The following MATN2 variants were observed in gnomAD, a reference collection of about 807,000 sequenced individuals.
MATN2 encodes the protein matrilin 2.
In MATN2, 69 loss-of-function variants were observed where a neutral mutation model predicts 103.2. The ratio of observed to expected loss-of-function variants is 0.67; its 90% CI spans 0.55 to 0.82. MATN2 has a LOEUF of 0.82. Ranked by LOEUF, MATN2 falls within the 40% of genes least tolerant of loss-of-function variation. The pLI is 0.00. For synonymous variants in MATN2, 429 were observed against 450.2 expected (o/e 0.95, Z 0.60); for missense variants, 1,023 against 1,211.5 (o/e 0.84, Z 2.31).
chr8:97,885,370 C>T (rs1416446748), intron 1 of MATN2, among the ~76,000 whole-genome samples: 4 of 152,156 alleles, frequency 2.6e-5, no homozygotes, highest in African/African-American at 9.7e-5. Context: ...GTCCCAGCTA[C>T]TCGGGAGGCT....
At chr8:97,901,356 G>A (rs1422958491) in intron 2 of MATN2, among the ~76,000 whole-genome samples, 3 of 151,878 alleles carry the variant, frequency 2.0e-5, no homozygotes, top group East Asian at 1.9e-4. Flanking sequence ...GGGTTCCAGC[G>A]ATTCTGCTGC....
Position 98,036,559 on chromosome 8 carries a change from A to T in MATN2, c.*847A>T, listed in dbSNP as rs1563741937. ...AGCCCATACATACAAAGAGACCTGC[A>T]TAAGAATGTTACTAGGCTTTGTAAA... On this transcript the variant is annotated 3_prime_UTR_variant, in exon 19 of 19. Coordinates refer to ENST00000254898, the MANE Select transcript of MATN2 (RefSeq NM_002380.5). 6.6e-6 allele frequency: 1 copy of T among 152,244 alleles called. No individual in the cohort carries two copies. The highest frequency in any genetic ancestry group is 1.5e-5 in the Non-Finnish European group (1 of 68,052). 9.4% of individuals were successfully genotyped at this position (152,244 alleles called of 1,614,324 possible).
intron 13 of MATN2, among the ~76,000 whole-genome samples, chr8:98,022,858 C>T (rs1488860539): frequency 1.1e-4 from 16 of 152,194 alleles, no homozygotes; most frequent in Admixed American, 2.6e-4. Context: ...GAGGCCAAGA[C>T]GGGCAGATCA....
intron 10 of MATN2, among the ~76,000 whole-genome samples, chr8:98,013,039 C>A (rs1224626009): frequency 6.6e-6 from 1 of 152,300 alleles, no homozygotes; most frequent in East Asian, 1.9e-4. Flanking sequence ...GCTGAAGACA[C>A]CCAGTGGTAC....
intron 7 of MATN2, 102 bp from the exon 8 acceptor site, chr8:98,003,559 C>A: frequency 7.2e-7 from 1 of 1,393,748 alleles, no homozygotes; most frequent in South Asian, 1.2e-5. Context: ...AGGCAGCACC[C>A]ACCAGCCCTC....
intron 6 of MATN2, among the ~76,000 whole-genome samples, chr8:97,987,012 T>TG (rs1276266643): frequency 2.2e-4 from 34 of 151,868 alleles, no homozygotes; most frequent in African/African-American, 8.2e-4. Flanking sequence ...TTTTTTTTTT[T>TG]TTGTATTTTT....
At chr8:97,873,282 C>T (rs1037120998) in intron 1 of MATN2, among the ~76,000 whole-genome samples, 1 of 151,740 alleles carries the variant, frequency 6.6e-6, no homozygotes, top group African/African-American at 2.4e-5. Context: ...AGAGTTTTAG[C>T]TCACTTCTGT....
chr8:97,931,436 G>A lies in MATN2; in HGVS notation c.626G>A (p.Ser209Asn), dbSNP rs1810190350. ...TTCAACACCTTGAAGTCCATTGGGA[G>A]TGAGCCCCATGAGGACCATGTCTTC... Reference protein sequence around the residue: ...VDFNTLKSIGSEPHEDHVFLV... With the variant: ...VDFNTLKSIGNEPHEDHVFLV... Residue 209 changes from serine (S) to asparagine (N), a missense_variant, in exon 3 of 19, where the codon AGT (serine) becomes AAT (asparagine). Ser to Asn is a conservative substitution (Grantham distance 46). Coordinates refer to ENST00000254898, the MANE Select transcript of MATN2 (RefSeq NM_002380.5). The surrounding 1 kb of genome is among the most constrained non-coding windows in gnomAD (Gnocchi z 4.1). The A allele has an allele frequency of 3.7e-6, 6 of 1,613,786 alleles. No homozygotes were observed. Among genetic ancestry groups the A allele is most frequent in the Non-Finnish European group, 5.1e-6 (6 of 1,179,884 alleles).
Position 98,033,587 on chromosome 8 carries a change from C to G in MATN2, c.2743C>G (p.Gln915Glu), listed in dbSNP as rs1814119358. 1 of 1,598,656 alleles carries G rather than the reference C, an allele frequency of 6.3e-7. No individual in the cohort carries two copies. Among genetic ancestry groups the G allele is most frequent in the Non-Finnish European group, 8.5e-7 (1 of 1,173,818 alleles). The change falls in exon 18 of 19, where the codon CAA becomes GAA. Residue 915 changes from glutamine (Q) to glutamate (E), a missense_variant. Coordinates refer to ENST00000254898, the MANE Select transcript of MATN2 (RefSeq NM_002380.5). ...AAGCCCTTTGGAAGAAAAACACGAT[C>G]AATGCAAATGTGAAAACCTTATAAT... ...SGSPLEEKHD[Q>E]CKCENLIMFQ... is the part of the protein sequence containing the mutation.
chr8:98,033,959 C>G (rs1044354553), intron 18 of MATN2, among the ~76,000 whole-genome samples: 2 of 152,020 alleles, frequency 1.3e-5, no homozygotes, highest in African/African-American at 4.8e-5. Flanking sequence ...GGCCTAACTC[C>G]GTCTCTGCTA....
At chr8:97,960,022 TCA>T (rs1362415719) in intron 4 of MATN2, among the ~76,000 whole-genome samples, 2 of 151,890 alleles carry the variant, frequency 1.3e-5, no homozygotes, top group East Asian at 3.9e-4. Context: ...TGATCTCGGC[TCA>T]CTGCAACCTC....
chr8:97,884,893 A>G (rs1818375167), intron 1 of MATN2, among the ~76,000 whole-genome samples: 1 of 152,244 alleles, frequency 6.6e-6, no homozygotes, highest in Non-Finnish European at 1.5e-5. Flanking sequence ...TTGATTCTAT[A>G]TAACAATTAG....
intron 6 of MATN2, among the ~76,000 whole-genome samples, chr8:97,991,144 A>G (rs1812376255): frequency 6.6e-6 from 1 of 152,218 alleles, no homozygotes; most frequent in African/African-American, 2.4e-5. Context: ...TGGTTGATGG[A>G]AATTCTCTGT....
At chr8:97,927,326 A>ATTTT (rs569076720) in intron 2 of MATN2, among the ~76,000 whole-genome samples, 2 of 60,460 alleles carry the variant, frequency 3.3e-5, no homozygotes, top group African/African-American at 1.2e-4. Context: ...TATTATTATT[A>ATTTT]TTTTTTTTTT....
At chr8:97,978,764 T>C (rs910620801) in intron 5 of MATN2, 122 bp from the exon 6 acceptor site, 10 of 959,622 alleles carry the variant, frequency 1.0e-5, no homozygotes, top group Non-Finnish European at 1.6e-5. Context: ...CTGTTTATCC[T>C]ACTCTTTTGG....
In MATN2 at chr8:98,016,639, G is replaced by A. The variant is rs374039867; in HGVS notation, c.1673G>A (p.Arg558His). 228 of 1,611,858 alleles carry A rather than the reference G, an allele frequency of 1.4e-4. No homozygotes were observed. The highest frequency in any genetic ancestry group is 1.8e-4 in the Non-Finnish European group (214 of 1,178,804). The change falls in exon 11 of 19, where the codon CGT becomes CAT. Residue 558 changes from arginine (R) to histidine (H), a missense_variant. By Grantham distance (29) the Arg-to-His change is conservative. Coordinates refer to ENST00000254898, the MANE Select transcript of MATN2 (RefSeq NM_002380.5). ...CAGTGCTTTGAAGGTTATATACTCC[G>A]TGAAGATGGAAAAACCTGCAGAAGT... ...VCQCFEGYIL[R>H]EDGKTCRRKD...
In MATN2 at chr8:98,007,718, C is replaced by A; in HGVS notation, c.1573+117C>A. ...CTGTCTCCAGGCTTTGCTGGGCCTG[C>A]ATGAATGTGTGTGACAGCATCTCTT... On this transcript the variant is annotated intron_variant, in intron 10 of 18. Coordinates refer to ENST00000254898, the MANE Select transcript of MATN2 (RefSeq NM_002380.5). The surrounding 1 kb of genome is among the most constrained non-coding windows in gnomAD (Gnocchi z 4.2). 1 of 1,248,434 alleles carries A rather than the reference C, an allele frequency of 8.0e-7. No homozygotes were observed. The highest frequency in any genetic ancestry group is 1.5e-5 in the South Asian group (1 of 67,062). The allele number at this position is 1,248,434 out of a possible 1,614,324, so 77.3% of individuals were successfully genotyped here.
chr8:97,904,070 TTAAAC>T, intron 2 of MATN2, among the ~76,000 whole-genome samples: 1 of 152,238 alleles, frequency 6.6e-6, no homozygotes, highest in Non-Finnish European at 1.5e-5. Flanking sequence ...GATTCATAAA[TTAAAC>T]TGGCAGATAT....
intron 1 of MATN2, among the ~76,000 whole-genome samples, chr8:97,880,734 A>G (rs1200911245): frequency 6.6e-6 from 1 of 152,044 alleles, no homozygotes; most frequent in Non-Finnish European, 1.5e-5. Context: ...CCTCAACCCC[A>G]TTGGTCTCTC....
Sources: allele counts gnomAD v4.1 joint callset (sites outside exome capture counted in the v4.1 genomes callset), GRCh38; gene constraint gnomAD v4.1.1; non-coding constraint Gnocchi (gnomAD v3.1); transcripts MANE v1.5; gene names NCBI Gene and HGNC (gene_info 2026-07-23, HGNC 2026-07-21).